Variants in PLCH1 observed in about 807,000 individuals in gnomAD.
PLCH1 encodes the protein phospholipase C eta 1, also known as 1-phosphatidylinositol 4,5-bisphosphate phosphodiesterase eta-1.
In PLCH1, 60 loss-of-function variants were observed where a neutral mutation model predicts 126.7. The observed-to-expected ratio is 0.47, with a 90% confidence interval of 0.38 to 0.59. The LOEUF (loss-of-function observed/expected upper bound fraction) is 0.59, where lower values mean the gene tolerates loss of function less well. PLCH1 is among the 20% of genes least tolerant of loss of function. PLCH1 has a pLI of 0.00. For missense variants in PLCH1, 1,723 were observed against 2,040.0 expected (o/e 0.84, Z 2.99); for synonymous variants, 719 against 734.9 (o/e 0.98, Z 0.35).
intron 2 of PLCH1, among the ~76,000 whole-genome samples, chr3:155,664,081 T>G (rs1373515924): frequency 6.6e-6 from 1 of 152,218 alleles, no homozygotes; most frequent in African/African-American, 2.4e-5. Context: ...AACAGTCTGA[T>G]GACAGTACCA....
At chr3:155,725,508 T>C (rs1365458036) in intron 1 of PLCH1, among the ~76,000 whole-genome samples, 1 of 151,384 alleles carries the variant, frequency 6.6e-6, no homozygotes, top group African/African-American at 2.4e-5. Context: ...AGTACGATAG[T>C]GCGATCTCAG....
intron 18 of PLCH1, among the ~76,000 whole-genome samples, chr3:155,492,374 G>T (rs1300623087): frequency 6.6e-6 from 1 of 152,206 alleles, no homozygotes; most frequent in East Asian, 1.9e-4. Flanking sequence ...ATTGCAGGAG[G>T]ACAGGAATGT....
At chr3:155,608,328 G>A (rs552083572) in intron 2 of PLCH1, among the ~76,000 whole-genome samples, 2 of 152,280 alleles carry the variant, frequency 1.3e-5, no homozygotes, top group Admixed American at 1.3e-4. Context: ...GCAGAATCTG[G>A]AGGGACAAAC....
At chr3:155,565,615 G>A (rs1330035174) in intron 7 of PLCH1, among the ~76,000 whole-genome samples, 1 of 152,022 alleles carries the variant, frequency 6.6e-6, no homozygotes, top group Non-Finnish European at 1.5e-5. Context: ...CCTGTAGAAT[G>A]TGAGCCAATT....
intron 2 of PLCH1, among the ~76,000 whole-genome samples, chr3:155,621,172 T>C (rs1736443546): frequency 6.6e-6 from 1 of 152,176 alleles, no homozygotes; most frequent in African/African-American, 2.4e-5. Flanking sequence ...CAGAGGGGCC[T>C]GACTGTTAGA....
At chr3:155,578,892 G>A (rs1439778685) in intron 6 of PLCH1, among the ~76,000 whole-genome samples, 3 of 152,008 alleles carry the variant, frequency 2.0e-5, no homozygotes, top group African/African-American at 4.8e-5. Context: ...CAGACCATAC[G>A]ACCCTCATTA....
chr3:155,594,376 G>A, intron 3 of PLCH1, among the ~76,000 whole-genome samples, 192 bp from the exon 4 acceptor site: 1 of 152,072 alleles, frequency 6.6e-6, no homozygotes, highest in Middle Eastern at 3.4e-3. Flanking sequence ...TTCGAGACCA[G>A]CCTGGGCAAC....
At chr3:155,714,797 T>A (rs1457372048) in intron 1 of PLCH1, among the ~76,000 whole-genome samples, 1 of 152,252 alleles carries the variant, frequency 6.6e-6, no homozygotes, top group Non-Finnish European at 1.5e-5. Context: ...CTTGAATTGC[T>A]CATGTTTTAT....
intron 2 of PLCH1, among the ~76,000 whole-genome samples, chr3:155,632,206 A>C (rs928611437): frequency 6.6e-6 from 1 of 152,196 alleles, no homozygotes; most frequent in African/African-American, 2.4e-5. Context: ...GAAATATTAC[A>C]ACTACCAAAA....
intron 12 of PLCH1, among the ~76,000 whole-genome samples, chr3:155,512,855 T>C (rs1719782326): frequency 6.6e-6 from 1 of 152,148 alleles, no homozygotes; most frequent in Non-Finnish European, 1.5e-5. Flanking sequence ...ACTATGGCAG[T>C]GGTGTGAATG....
chr3:155,533,641 G>C (rs1014365092), intron 10 of PLCH1, among the ~76,000 whole-genome samples: 2 of 152,208 alleles, frequency 1.3e-5, no homozygotes, highest in Non-Finnish European at 2.9e-5. Context: ...CTGAATGTTA[G>C]TCACCAAGAC....
Position 155,530,057 on chromosome 3 carries a change from T to C in PLCH1, c.1363-6053A>G, listed in dbSNP as rs138906902. On this transcript the variant is annotated intron_variant, in intron 10 of 22. Coordinates refer to ENST00000460012, the MANE Select transcript of PLCH1 (RefSeq NM_014996.4). ...ATTAGCCACCACACCTGGCCAGCAA[T>C]TTCTTAAATAGGACAAAAACTAAGT... 1.6e-4 allele frequency among the ~76,000 whole-genome samples: 24 copies of C among 152,184 alleles called. No individual in the cohort carries two copies. In the East Asian group the frequency reaches 4.5e-3, roughly 28 times the overall value.
At chr3:155,640,896 C>T (rs776953265) in intron 2 of PLCH1, among the ~76,000 whole-genome samples, 3 of 152,136 alleles carry the variant, frequency 2.0e-5, no homozygotes, top group Non-Finnish European at 2.9e-5. Context: ...TGTTGTAGAT[C>T]CTTTCCTAAG....
rs201263572 is a variant in PLCH1 at position 155,593,934 on chromosome 3, A to G, written c.470+7T>C. On this transcript the variant is annotated splice_region_variant and intron_variant, in intron 4 of 22. Coordinates refer to ENST00000460012, the MANE Select transcript of PLCH1 (RefSeq NM_014996.4). Reference sequence around the variant, plus strand: ...GAGAGCTGAAAATAAAGTTCTAGAAAGGATATTGGTCATGGGTCCTCTGCC... The same window carrying G: ...GAGAGCTGAAAATAAAGTTCTAGAAGGGATATTGGTCATGGGTCCTCTGCC... The G allele has an allele frequency of 6.2e-7, 1 of 1,613,694 alleles. No individual in the cohort carries two copies. Among genetic ancestry groups the G allele is most frequent in the East Asian group, 2.2e-5 (1 of 44,882 alleles).
Position 155,484,296 on chromosome 3 carries a change from T to G in PLCH1, c.2974+1060A>C, listed in dbSNP as rs116757154. Among the ~76,000 whole-genome samples the G allele has an allele frequency of 3.1e-3, 469 of 152,326 alleles. 1 individual carries two copies. Among genetic ancestry groups the G allele is most frequent in the African/African-American group, 8.7e-3 (363 of 41,580 alleles). On this transcript the variant is annotated intron_variant, in intron 22 of 22. Transcript: ENST00000460012. ...AATTTCTACTGAATATAGCTTTATT[T>G]TTCCCAAAGATGGGGTTTTAAAATA...
chr3:155,723,705 C>A (rs1258015776), intron 1 of PLCH1, among the ~76,000 whole-genome samples: 1 of 152,004 alleles, frequency 6.6e-6, no homozygotes, highest in Non-Finnish European at 1.5e-5. Flanking sequence ...CTTAAAATCC[C>A]AGCATTTTGG....
At chr3:155,585,225 A>T (rs1222924442) in intron 5 of PLCH1, among the ~76,000 whole-genome samples, 1 of 152,150 alleles carries the variant, frequency 6.6e-6, no homozygotes, top group African/African-American at 2.4e-5. Flanking sequence ...TATTGTTGCA[A>T]CACATACCCC....
At chr3:155,579,228 G>T (rs1314567215) in intron 6 of PLCH1, among the ~76,000 whole-genome samples, 2 of 152,044 alleles carry the variant, frequency 1.3e-5, no homozygotes, top group Non-Finnish European at 2.9e-5. Flanking sequence ...CCTAGCGATG[G>T]GTGTGGAAAA....
chr3:155,728,053 G>A (rs941707264), intron 1 of PLCH1, among the ~76,000 whole-genome samples: 9 of 152,168 alleles, frequency 5.9e-5, no homozygotes, highest in Non-Finnish European at 1.3e-4. Context: ...TTTGGCAAAT[G>A]TCCTCAAGGC....
Sources: allele counts gnomAD v4.1 joint callset (sites outside exome capture counted in the v4.1 genomes callset), GRCh38; gene constraint gnomAD v4.1.1; transcripts MANE v1.5; gene names NCBI Gene and HGNC (gene_info 2026-07-23, HGNC 2026-07-21).